FASTKD1: variants seen among roughly 807,000 people sequenced by gnomAD.
FASTKD1 encodes the protein FAST kinase domains 1.
In FASTKD1, 94 loss-of-function variants were observed where a neutral mutation model predicts 90.9. The ratio of observed to expected loss-of-function variants is 1.03; its 90% confidence interval spans 0.88 to 1.23. FASTKD1 has a LOEUF of 1.23. Ranked by LOEUF, FASTKD1 falls within the 50% of genes most tolerant of loss-of-function variation. The probability of loss-of-function intolerance (pLI) is 0.00; values close to 1 mark genes in which losing one functional copy is unlikely to be tolerated. For missense variants in FASTKD1, 945 were observed against 993.5 expected, an observed-to-expected ratio of 0.95 and a Z score of 0.66; for synonymous variants, 319 against 345.8, an observed-to-expected ratio of 0.92 and a Z score of 0.86.
At chr2:169,567,757 A>C (rs1559161353) in intron 3 of FASTKD1, among the ~76,000 whole-genome samples, 2 of 152,046 alleles carry the variant, frequency 1.3e-5, no homozygotes, top group South Asian at 2.1e-4. Flanking sequence ...TCTGGTTTCC[A>C]TTTGATTTAG....
intron 8 of FASTKD1, among the ~76,000 whole-genome samples, chr2:169,545,701 T>A (rs1685160359): frequency 6.6e-6 from 1 of 152,214 alleles, no homozygotes; most frequent in South Asian, 2.1e-4. Context: ...TTGAATATAA[T>A]TGTTTTTAAA....
At chr2:169,534,552 C>T (rs1157169563) in intron 12 of FASTKD1, among the ~76,000 whole-genome samples, 7 of 150,782 alleles carry the variant, frequency 4.6e-5, no homozygotes, top group African/African-American at 1.2e-4. Context: ...CTCCGTCTCC[C>T]GGGTTCAAGC....
At chr2:169,536,652 G>T (rs76381050) in intron 12 of FASTKD1, among the ~76,000 whole-genome samples, 7,152 of 152,100 alleles carry the variant, frequency 0.047, 195 homozygotes, top group East Asian at 0.12. Flanking sequence ...ATCACCACTT[G>T]AATGTGGCAA....
At chr2:169,562,028 TTTATTAATTTATTGTAAATTAATTATTTA>T (rs1683697082) in intron 4 of FASTKD1, among the ~76,000 whole-genome samples, 3 of 116,426 alleles carry the variant, frequency 2.6e-5, no homozygotes, top group African/African-American at 9.9e-5. Context: ...AAATTAATTA[TTTATTAATTTATTGTAAATTAATTATTTA>T]TTAATTTATT....
In FASTKD1 at chr2:169,537,268, C is replaced by A; in HGVS notation, c.2147G>T (p.Cys716Phe). The A allele has an allele frequency of 6.2e-7, 1 of 1,613,426 alleles. No individual in the cohort carries two copies. The highest frequency in any genetic ancestry group is 1.7e-5 in the Admixed American group (1 of 60,014). Reference sequence around the variant, plus strand: ...AGGCGTAAGAACCGAGGCTTTTACACAATTGATTCCTCCTAGTACCTCTGC... The same window carrying A: ...AGGCGTAAGAACCGAGGCTTTTACAAAATTGATTCCTCCTAGTACCTCTGC... The part of the protein sequence containing the change: ...MLAEVLGGIN[C>F]VKASVLTPYY... The change falls in exon 12 of 15, where the codon TGT (cysteine) becomes TTT (phenylalanine). Residue 716 changes from cysteine to phenylalanine, a missense_variant. Transcript: ENST00000453153.
intron 7 of FASTKD1, among the ~76,000 whole-genome samples, chr2:169,553,700 G>A (rs1226865415): frequency 1.3e-5 from 2 of 151,650 alleles, no homozygotes; most frequent in East Asian, 2.0e-4. Flanking sequence ...GGCAGACCAC[G>A]GGGTCAGAAG....
rs1422307664 is a variant in FASTKD1, at chr2:169,546,402, G to C, written c.1517C>G (p.Ser506Cys). 1 of 1,614,114 alleles carries C rather than the reference G, an allele frequency of 6.2e-7. No homozygotes were observed. The highest frequency in any genetic ancestry group is 1.1e-5 in the South Asian group (1 of 91,080). ...CTCAGGAAACGTGTTTCCTTTGAGA[G>C]ATTTAAGTTCCTTCCGTAACAGATC... ...SLDLLRKELK[S>C]LKGNTFPESL... The change falls in exon 8 of 15, where the codon TCT becomes TGT. Residue 506 changes from serine (S) to cysteine (C), a missense_variant. Transcript: ENST00000453153.
At chr2:169,536,997 T>A (rs925387073) in intron 12 of FASTKD1, 1 of 274,552 alleles carries the variant, frequency 3.6e-6, no homozygotes, top group Non-Finnish European at 6.6e-6. Context: ...TGACCTTAAT[T>A]TTTTTTTTTT....
chr2:169,572,249 TAC>T, intron 1 of FASTKD1, 78 bp from the exon 2 acceptor site: 1 of 396,696 alleles, frequency 2.5e-6, no homozygotes, highest in Non-Finnish European at 4.3e-6. Flanking sequence ...ATTAAAGTAA[TAC>T]ATTTTTTCTG....
At chr2:169,537,373 ATCTTTTTTT>A (rs1684767281) in intron 11 of FASTKD1, 33 bp from the exon 12 acceptor site, 2 of 1,395,968 alleles carry the variant, frequency 1.4e-6, no homozygotes, top group Admixed American at 2.0e-5. Context: ...AGTCTACTTA[ATCTTTTTTT>A]TCTTTTTTTT....
intron 6 of FASTKD1, 30 bp from the exon 7 acceptor site, chr2:169,555,285 A>C (rs747274468): frequency 3.8e-6 from 6 of 1,572,720 alleles, no homozygotes; most frequent in Non-Finnish European, 5.2e-6. Context: ...TATTATAACC[A>C]GTTCATTCAT....
chr2:169,572,311 C>T (rs563547946), intron 1 of FASTKD1, 140 bp from the exon 2 acceptor site: 50 of 218,606 alleles, frequency 2.3e-4, no homozygotes, highest in Non-Finnish European at 3.3e-4. Flanking sequence ...AGAATTTGAT[C>T]AAAAAATAAA....
At chr2:169,530,324 G>A (rs762327880) in intron 14 of FASTKD1, among the ~76,000 whole-genome samples, 2 of 151,876 alleles carry the variant, frequency 1.3e-5, no homozygotes, top group Non-Finnish European at 2.9e-5. Flanking sequence ...TATGAGACAG[G>A]GTCTTGCTCT....
chr2:169,565,363 C>T (rs1231460436), intron 3 of FASTKD1, among the ~76,000 whole-genome samples: 1 of 147,238 alleles, frequency 6.8e-6, no homozygotes, highest in Non-Finnish European at 1.5e-5. Context: ...CCCGAGTTCA[C>T]GCCATTCTCC....
chr2:169,569,100 TC>T (rs1684122131), intron 3 of FASTKD1, 83 bp downstream of exon 3: 1 of 1,109,398 alleles, frequency 9.0e-7, no homozygotes, highest in Non-Finnish European at 1.4e-6. Context: ...AGGCATCAGT[TC>T]CCTGTTCTTT....
At chr2:169,561,772 A>AAATTATTTATTAATTTATTGTG (rs1559156540) in intron 4 of FASTKD1, among the ~76,000 whole-genome samples, 16 of 144,092 alleles carry the variant, frequency 1.1e-4, no homozygotes, top group Non-Finnish European at 1.9e-4. Flanking sequence ...AATTTATTGT[A>AAATTATTTATTAATTTATTGTG]AATTATTTAT....
At chr2:169,569,052 A>T in intron 3 of FASTKD1, 132 bp downstream of exon 3, 1 of 769,934 alleles carries the variant, frequency 1.3e-6, no homozygotes, top group Non-Finnish European at 2.2e-6. Context: ...TTTAAAACTA[A>T]ACTGAGTTTA....
intron 11 of FASTKD1, 34 bp from the exon 12 acceptor site, chr2:169,537,374 T>C (rs778199721): frequency 7.6e-7 from 1 of 1,319,200 alleles, no homozygotes; most frequent in Admixed American, 2.0e-5. Flanking sequence ...GTCTACTTAA[T>C]CTTTTTTTTC....
chr2:169,560,489 T>C lies in FASTKD1; in HGVS notation c.869A>G (p.Lys290Arg). ...FNSFEFIIMA[K>R]KKLTEMIPLC... ...AGGAATCATTTCAGTTAGCTTCTTT[T>C]TAGCCATTATAATAAATTCAAAACT... is the stretch of plus-strand genomic sequence containing the variant. The change falls in exon 5 of 15, where the codon AAA (lysine) becomes AGA (arginine). Residue 290 changes from lysine to arginine, a missense_variant. Physicochemically the swap from Lys to Arg is conservative, Grantham distance 26. Transcript: ENST00000453153. The C allele has an allele frequency of 6.2e-7, 1 of 1,602,796 alleles. No homozygotes were observed. The highest frequency in any genetic ancestry group is 8.5e-7 in the Non-Finnish European group (1 of 1,175,142).
Sources: allele counts gnomAD v4.1 joint callset (sites outside exome capture counted in the v4.1 genomes callset), GRCh38; gene constraint gnomAD v4.1.1; transcripts MANE v1.5; gene names NCBI Gene and HGNC (gene_info 2026-07-23, HGNC 2026-07-21).